TNS3: variants seen among roughly 807,000 people sequenced by gnomAD.
The protein encoded by TNS3 is tensin 3, also known as tensin-3.
In TNS3, 45 loss-of-function variants were observed where a neutral mutation model predicts 140.9. That is an observed-to-expected ratio of 0.32 (90% CI 0.25 to 0.41). TNS3 has a LOEUF of 0.41. Among genes scored for constraint, TNS3 ranks in the 10% least tolerant of loss-of-function variants. TNS3 has a pLI of 1.00. For missense variants in TNS3, 1,716 were observed against 1,906.7 expected, an observed-to-expected ratio of 0.90 and a Z score of 1.86; for synonymous variants, 815 against 788.4, an observed-to-expected ratio of 1.03 and a Z score of -0.56.
At chr7:47,328,367 T>G (rs1441821132) in intron 20 of TNS3, among the ~76,000 whole-genome samples, 2 of 152,252 alleles carry the variant, frequency 1.3e-5, no homozygotes, top group South Asian at 4.1e-4. Flanking sequence ...TTTTCACTTT[T>G]TCCTCCCCCA....
intron 10 of TNS3, 39 bp from the exon 11 acceptor site, chr7:47,415,245 T>G (rs1056336153): frequency 1.4e-6 from 2 of 1,449,562 alleles, no homozygotes; most frequent in African/African-American, 2.9e-5. Flanking sequence ...CCCAGAAGTG[T>G]CTTCAGCCTC....
At chr7:47,458,462 T>G (rs1796346271) in intron 4 of TNS3, among the ~76,000 whole-genome samples, 1 of 152,246 alleles carries the variant, frequency 6.6e-6, no homozygotes, top group African/African-American at 2.4e-5. Context: ...CCAACCTTTT[T>G]TCTCCCTCAT....
intron 18 of TNS3, among the ~76,000 whole-genome samples, chr7:47,345,417 T>C (rs529492821): frequency 1.3e-5 from 2 of 152,300 alleles, no homozygotes; most frequent in South Asian, 4.2e-4. Context: ...CACAGATGCA[T>C]AAAAACACAT....
intron 4 of TNS3, among the ~76,000 whole-genome samples, chr7:47,460,212 CAAAAAAAAAAAAAAAAA>C (rs10526565): frequency 8.7e-6 from 1 of 115,052 alleles, no homozygotes; most frequent in Non-Finnish European, 1.7e-5. Context: ...GACTCTGTCC[CAAAAAAAAAAAAAAAAA>C]AAAAAAAAGA....
At chr7:47,443,170 C>A (rs1795554370) in intron 4 of TNS3, among the ~76,000 whole-genome samples, 1 of 152,130 alleles carries the variant, frequency 6.6e-6, no homozygotes. Context: ...GGGAAAGCCC[C>A]TTGGCCACTC....
At chr7:47,367,607 T>C (rs550207423) in intron 17 of TNS3, among the ~76,000 whole-genome samples, 4 of 152,146 alleles carry the variant, frequency 2.6e-5, no homozygotes, top group African/African-American at 7.2e-5. Context: ...GCAGTTAGCA[T>C]GACCCCGGCC....
chr7:47,375,786 C>T (rs1791348249), intron 16 of TNS3, among the ~76,000 whole-genome samples: 1 of 152,252 alleles, frequency 6.6e-6, no homozygotes, highest in Non-Finnish European at 1.5e-5. Context: ...CAGCACCCTC[C>T]ATCATCAATC....
intron 2 of TNS3, among the ~76,000 whole-genome samples, chr7:47,521,497 C>G (rs1798977942): frequency 6.6e-6 from 1 of 152,212 alleles, no homozygotes; most frequent in South Asian, 2.1e-4. Context: ...GCCCCTCATG[C>G]CTCCTGGGCT....
chr7:47,304,596 T>C (rs1360094919), intron 21 of TNS3, among the ~76,000 whole-genome samples: 1 of 151,660 alleles, frequency 6.6e-6, no homozygotes, highest in African/African-American at 2.4e-5. Flanking sequence ...TGATTTTTCC[T>C]GTATTTCCTG....
intron 3 of TNS3, among the ~76,000 whole-genome samples, chr7:47,494,664 C>A (rs1349954803): frequency 6.6e-6 from 1 of 152,016 alleles, no homozygotes; most frequent in Non-Finnish European, 1.5e-5. Flanking sequence ...GTTGAGGGTG[C>A]ACAGACACAC....
intron 4 of TNS3, among the ~76,000 whole-genome samples, chr7:47,450,162 T>A (rs571287459): frequency 6.6e-6 from 1 of 152,206 alleles, no homozygotes; most frequent in Non-Finnish European, 1.5e-5. Flanking sequence ...TGAAGAGGCA[T>A]GAGGATGCTG....
intron 4 of TNS3, among the ~76,000 whole-genome samples, chr7:47,465,073 T>G (rs996753456): frequency 2.6e-5 from 4 of 152,214 alleles, no homozygotes; most frequent in Non-Finnish European, 4.4e-5. Context: ...GGAAAAAAAG[T>G]AAAAATGTAC....
intron 16 of TNS3, among the ~76,000 whole-genome samples, chr7:47,393,011 G>C (rs1356451488): frequency 6.6e-6 from 1 of 152,212 alleles, no homozygotes; most frequent in African/African-American, 2.4e-5. Flanking sequence ...CCCTCTAAGG[G>C]AATCCAGTGT....
At chr7:47,560,672 C>G (rs1481924840) in intron 1 of TNS3, among the ~76,000 whole-genome samples, 1 of 152,162 alleles carries the variant, frequency 6.6e-6, no homozygotes, top group Non-Finnish European at 1.5e-5. Flanking sequence ...TACAAATGAC[C>G]CCCTTTCCAG....
At position 47,275,672 on chromosome 7, in the gene TNS3, T is replaced by C; in HGVS notation, c.*2404A>G. 5.0e-6 allele frequency: 2 copies of C among 403,984 alleles called. No homozygotes were observed. Among genetic ancestry groups the C allele is most frequent in the South Asian group, 3.6e-5 (2 of 55,180 alleles). 25.0% of individuals were successfully genotyped at this position (403,984 alleles called of 1,614,324 possible). A position where few individuals can be genotyped will look rare whatever the true frequency, so the allele number is the denominator to read the frequency against. On this transcript the variant is annotated 3_prime_UTR_variant, in exon 31 of 31. Coordinates refer to ENST00000311160, the MANE Select transcript of TNS3 (RefSeq NM_022748.12). ...ACACAAAAGGAAGAAAGAAACTTCC[T>C]ATACCAGCTCTTCAGAAATCGTGGA...
At chr7:47,471,648 T>C (rs1796958321) in intron 4 of TNS3, among the ~76,000 whole-genome samples, 1 of 152,222 alleles carries the variant, frequency 6.6e-6, no homozygotes, top group African/African-American at 2.4e-5. Context: ...CATCTTCTGC[T>C]GTTTATCTGC....
intron 2 of TNS3, among the ~76,000 whole-genome samples, chr7:47,524,118 G>A (rs1282794545): frequency 6.6e-6 from 1 of 152,204 alleles, no homozygotes; most frequent in African/African-American, 2.4e-5. Flanking sequence ...GGCACATCCA[G>A]GGTGCAGTGC....
intron 27 of TNS3, 63 bp downstream of exon 27, chr7:47,291,892 T>G: frequency 1.3e-6 from 2 of 1,539,332 alleles, no homozygotes; most frequent in Non-Finnish European, 1.8e-6. Context: ...AAAAGGAAGT[T>G]GTGTCAGTGA....
chr7:47,378,792 G>A (rs1487050699), intron 16 of TNS3, among the ~76,000 whole-genome samples: 1 of 152,130 alleles, frequency 6.6e-6, no homozygotes, highest in Non-Finnish European at 1.5e-5. Flanking sequence ...TGCACACCCA[G>A]GGTTCCCATC....
Sources: allele counts gnomAD v4.1 joint callset (sites outside exome capture counted in the v4.1 genomes callset), GRCh38; gene constraint gnomAD v4.1.1; transcripts MANE v1.5; gene names NCBI Gene and HGNC (gene_info 2026-07-23, HGNC 2026-07-21).